VKORC1: variants seen among roughly 807,000 people sequenced by gnomAD.
VKORC1 encodes phylloquinone epoxide reductase.
Under a neutral mutation model 14.8 loss-of-function variants are expected in VKORC1, and 12 were observed. That is an observed-to-expected ratio of 0.81 (90% CI 0.52 to 1.31). The LOEUF (loss-of-function observed/expected upper bound fraction) is 1.31. Among genes scored for constraint, VKORC1 ranks in the 50% most tolerant of loss-of-function variants. The probability of loss-of-function intolerance (pLI) is 0.00; values close to 1 mark genes in which losing one functional copy is unlikely to be tolerated. For missense variants in VKORC1, 223 were observed against 215.3 expected (o/e 1.04, Z -0.22); for synonymous variants, 94 against 92.5 (o/e 1.02, Z -0.09).
Position 31,091,059 on chromosome 16 carries a change from C to T in VKORC1, c.*75G>A. On this transcript the variant is annotated 3_prime_UTR_variant, in exon 3 of 3. Transcript: ENST00000394975. ...CCCACATCTAGGGCCTTCTAGGGAC[C>T]CAGATATGCCCCCTTAGGCAAGGCT... is the stretch of plus-strand genomic sequence containing the variant. 6.3e-7 allele frequency: 1 copy of T among 1,579,154 alleles called. No homozygotes were observed. The highest frequency in any genetic ancestry group is 1.8e-5 in the Admixed American group (1 of 54,092).
At chr16:31,093,471 G>C in intron 1 of VKORC1, 50 bp from the exon 2 acceptor site, 1 of 1,613,760 alleles carries the variant, frequency 6.2e-7, no homozygotes, top group Non-Finnish European at 8.5e-7. Flanking sequence ...TGTCAACCCA[G>C]TGCCTTGGAC....
chr16:31,093,233 T>C, intron 2 of VKORC1, 79 bp downstream of exon 2: 1 of 1,412,076 alleles, frequency 7.1e-7, no homozygotes, highest in Non-Finnish European at 9.6e-7. Flanking sequence ...ATCACCAAGA[T>C]TGCATGGAGT....
Position 31,090,952 on chromosome 16 carries a change from G to C in VKORC1, c.*182C>G. On this transcript the variant is annotated 3_prime_UTR_variant, in exon 3 of 3. Coordinates refer to ENST00000394975, the MANE Select transcript of VKORC1 (RefSeq NM_024006.6). Reference sequence around the variant, plus strand: ...CATGGGGACAGAGTCAGAGGCACTGGGTGTAAAAAAGAGCGAGCGTGTGGC... The same window carrying C: ...CATGGGGACAGAGTCAGAGGCACTGCGTGTAAAAAAGAGCGAGCGTGTGGC... 3 of 947,466 alleles carry C rather than the reference G, an allele frequency of 3.2e-6. No homozygotes were observed. Among genetic ancestry groups the C allele is most frequent in the Non-Finnish European group, 4.7e-6 (3 of 638,656 alleles). 58.7% of individuals were successfully genotyped at this position (947,466 alleles called of 1,614,324 possible).
rs574237440 is a variant in VKORC1 at position 31,094,452 on chromosome 16, C to T, written c.173+105G>A. On this transcript the variant is annotated intron_variant, in intron 1 of 2. Coordinates refer to ENST00000394975, the MANE Select transcript of VKORC1 (RefSeq NM_024006.6). ...TGCAACGACCCCGCGAGCAGTCCAGCCCCGTGTCCGTTCCCCGGGCACACC... is the reference window on the plus strand; with the variant it reads ...TGCAACGACCCCGCGAGCAGTCCAGTCCCGTGTCCGTTCCCCGGGCACACC... 1.6e-5 allele frequency: 26 copies of T among 1,612,950 alleles called. No individual in the cohort carries two copies. In the South Asian group the frequency reaches 2.7e-4, roughly 17 times the overall value.
rs2057317246 is a variant in VKORC1 at position 31,094,714 on chromosome 16, C to T, written c.16G>A (p.Gly6Arg). The change falls in exon 1 of 3, where the codon GGG becomes AGG. Residue 6 changes from glycine to arginine, a missense_variant. Gly to Arg is a moderately radical substitution (Grantham distance 125). Coordinates refer to ENST00000394975, the MANE Select transcript of VKORC1 (RefSeq NM_024006.6). MGSTWGSPGWVRLALC... is the reference protein window; with the variant it reads MGSTWRSPGWVRLALC... The stretch of plus-strand genomic sequence containing the variant: ...GCGAGCCGCACCCAGCCAGGGCTCC[C>T]CCAGGTGCTGCCCATTATCTCCAGG... The T allele has an allele frequency of 2.5e-6, 4 of 1,606,666 alleles. No individual in the cohort carries two copies. Among genetic ancestry groups the T allele is most frequent in the Non-Finnish European group, 3.4e-6 (4 of 1,178,368 alleles).
chr16:31,092,005 C>G, intron 2 of VKORC1, among the ~76,000 whole-genome samples: 1 of 151,944 alleles, frequency 6.6e-6, no homozygotes, highest in Non-Finnish European at 1.5e-5. Flanking sequence ...TGGTGAAACC[C>G]TGTCTCCACT....
rs1170781060 is a variant in VKORC1 at position 31,094,759 on chromosome 16, G to A, written c.-30C>T. 1.3e-6 allele frequency: 2 copies of A among 1,575,210 alleles called. No individual in the cohort carries two copies. Among genetic ancestry groups the A allele is most frequent in the Non-Finnish European group, 1.7e-6 (2 of 1,164,612 alleles). ...TCCAGGTTCCGCCCGAGGCGCCCGC[G>A]GAGAAAACCAGCCACGGAGCAGGGG... On this transcript the variant is annotated 5_prime_UTR_variant, in exon 1 of 3. Coordinates refer to ENST00000394975, the MANE Select transcript of VKORC1 (RefSeq NM_024006.6).
At position 31,094,647 on chromosome 16, in the gene VKORC1, T is replaced by G. The variant is rs748308822; in HGVS notation, c.83A>C (p.His28Pro). Residue 28 changes from histidine (H) to proline (P), a missense_variant, in exon 1 of 3, where the codon CAC (histidine) becomes CCC (proline). By Grantham distance (77) the His-to-Pro change is moderately conservative. Coordinates refer to ENST00000394975, the MANE Select transcript of VKORC1 (RefSeq NM_024006.6). ...GTCCCGGGCGCGCGCCGCCTTCACG[T>G]GCAGCGCGTAGAGCGAGAGCACTAA... ...TGLVLSLYAL[H>P]VKAARARDRD... 1.9e-6 allele frequency: 3 copies of G among 1,607,490 alleles called. No homozygotes were observed. The South Asian group carries it at 3.3e-5, about 18-fold the overall frequency.
rs1246831196 is a variant in VKORC1, at chr16:31,094,655, G to A, written c.75C>T (p.Tyr25=). 3 of 1,607,442 alleles carry A rather than the reference G, an allele frequency of 1.9e-6. No individual in the cohort carries two copies. The highest frequency in any genetic ancestry group is 1.7e-6 in the Non-Finnish European group (2 of 1,178,482). Residue 25 remains tyrosine (Y), a synonymous_variant, in exon 1 of 3, where the codon TAC becomes TAT. Coordinates refer to ENST00000394975, the MANE Select transcript of VKORC1 (RefSeq NM_024006.6). ...LCLTGLVLSL[Y]ALHVKAARAR... ...CGCGCGCCGCCTTCACGTGCAGCGC[G>A]TAGAGCGAGAGCACTAAGCCCGTCA...
chr16:31,093,160 T>G, intron 2 of VKORC1, 152 bp downstream of exon 2: 1 of 805,690 alleles, frequency 1.2e-6, no homozygotes, highest in Non-Finnish European at 2.0e-6. Flanking sequence ...GTTAGTTACC[T>G]CCCCACATCC....
Position 31,090,887 on chromosome 16 carries a change from T to G in VKORC1, c.*247A>C, listed in dbSNP as rs1645407450. The G allele has an allele frequency of 1.7e-6, 1 of 583,728 alleles. No individual in the cohort carries two copies. The highest frequency in any genetic ancestry group is 1.9e-5 in the African/African-American group (1 of 53,406). The allele number at this position is 583,728 out of a possible 1,614,324, so 36.2% of individuals were successfully genotyped here. A position where few individuals can be genotyped will look rare whatever the true frequency, so the allele number is the denominator to read the frequency against. On this transcript the variant is annotated 3_prime_UTR_variant, in exon 3 of 3. Transcript: ENST00000394975. ...CTAAGAAACTTTATTGCTCAGAACC[T>G]TCCCTCCCTGGGCAATGGAAAGAGC...
rs747266343 is a variant in VKORC1 at position 31,094,562 on chromosome 16, G to A, written c.168C>T (p.Ser56=). The change falls in exon 1 of 3, where the codon TCC becomes TCT. Residue 56 remains serine (S), a synonymous_variant. Transcript: ENST00000394975. ...GTAISCSRVF[S]SRWGRGFGLV... ...CCTCCCACTCCCGTGCACACCTGGA[G>A]GAGAAGACGCGCGAACAGCTGATGG... 6.2e-7 allele frequency: 1 copy of A among 1,612,172 alleles called. No individual in the cohort carries two copies. The highest frequency in any genetic ancestry group is 1.1e-5 in the South Asian group (1 of 90,952).
intron 2 of VKORC1, chr16:31,092,679 G>T: frequency 8.2e-7 from 1 of 1,216,698 alleles, no homozygotes; most frequent in Non-Finnish European, 1.0e-6. Context: ...TTCCTGCTGA[G>T]CACTAAATGA....
chr16:31,094,587 G>A lies in VKORC1; in HGVS notation c.143C>T (p.Ala48Val). 6.2e-7 allele frequency: 1 copy of A among 1,610,668 alleles called. No homozygotes were observed. The highest frequency in any genetic ancestry group is 8.5e-7 in the Non-Finnish European group (1 of 1,179,296). ...GGAGAAGACGCGCGAACAGCTGATG[G>A]CGGTGCCCACGTCGCAGAGCGCGCG... ...DYRALCDVGT[A>V]ISCSRVFSSR... Residue 48 changes from alanine to valine, a missense_variant, in exon 1 of 3, where the codon GCC becomes GTC. Physicochemically the swap from Ala to Val is moderately conservative, Grantham distance 64 (BLOSUM62 0). Transcript: ENST00000394975.
At position 31,094,789 on chromosome 16, in the gene VKORC1, G is replaced by A; in HGVS notation, c.-60C>T. The A allele has an allele frequency of 6.5e-7, 1 of 1,544,232 alleles. No individual in the cohort carries two copies. Among genetic ancestry groups the A allele is most frequent in the East Asian group, 2.4e-5 (1 of 41,568 alleles). On this transcript the variant is annotated 5_prime_UTR_variant, in exon 1 of 3. Coordinates refer to ENST00000394975, the MANE Select transcript of VKORC1 (RefSeq NM_024006.6). ...AAACCAGCCACGGAGCAGGGGCCGG[G>A]CGGCGAATGGCCGCGCCCCTCCTGG...
In VKORC1 at chr16:31,091,298, A is replaced by T. The variant is rs540085217; in HGVS notation, c.328T>A (p.Ser110Thr). The T allele has an allele frequency of 6.2e-7, 1 of 1,614,102 alleles. No homozygotes were observed. Among genetic ancestry groups the T allele is most frequent in the Non-Finnish European group, 8.5e-7 (1 of 1,180,030 alleles). Residue 110 changes from serine to threonine, a missense_variant, in exon 3 of 3, where the codon TCC (serine) becomes ACC (threonine). By Grantham distance (58) the Ser-to-Thr change is moderately conservative. Coordinates refer to ENST00000394975, the MANE Select transcript of VKORC1 (RefSeq NM_024006.6). ...RWASVLMLLS[S>T]LVSLAGSVYL... ...ACAGAACCAGCGAGAGACACCAGGG[A>T]GCTCAGCAGCATCAGGACAGAGGCC...
chr16:31,094,048 C>G (rs917211915), intron 1 of VKORC1: 3 of 1,111,346 alleles, frequency 2.7e-6, no homozygotes, highest in Non-Finnish European at 3.8e-6. Context: ...ACGGTTCACT[C>G]GGTTTTGCAT....
At chr16:31,094,446 G>T (rs746065590) in intron 1 of VKORC1, 111 bp downstream of exon 1, 1 of 1,612,972 alleles carries the variant, frequency 6.2e-7, no homozygotes, top group South Asian at 1.1e-5. Context: ...CCCGCGAGCA[G>T]TCCAGCCCCG....
In VKORC1 at chr16:31,091,268, G is replaced by A. The variant is rs7200749; in HGVS notation, c.358C>T (p.Leu120=). The change falls in exon 3 of 3, where the codon CTG becomes TTG. Residue 120 remains leucine (L), a synonymous_variant. Transcript: ENST00000394975. Reference sequence around the variant, plus strand: ...AGCACGAAGAACAGGATCCAGGCCAGGTAGACAGAACCAGCGAGAGACACC... The same window carrying A: ...AGCACGAAGAACAGGATCCAGGCCAAGTAGACAGAACCAGCGAGAGACACC... ...SLVSLAGSVY[L]AWILFFVLYD... 18,461 of 1,614,136 alleles carry A rather than the reference G, an allele frequency of 0.011. 1,541 individuals carry two copies. The African/African-American group carries it at 0.2, about 17-fold the overall frequency.
Sources: gnomAD v4.1 joint callset for allele counts (sites outside exome capture counted in the v4.1 genomes callset) on GRCh38, gnomAD v4.1.1 for gene constraint, MANE v1.5 for transcripts, NCBI Gene and HGNC (gene_info 2026-07-23, HGNC 2026-07-21) for gene names.